EPS15: variants seen among roughly 807,000 people sequenced by gnomAD.
EPS15 encodes the protein epidermal growth factor receptor pathway substrate 15.
A neutral mutation model predicts 113.8 loss-of-function variants in EPS15; 72 were observed. That is an observed-to-expected ratio of 0.63 (90% CI 0.52 to 0.77). EPS15 has a LOEUF of 0.77. EPS15 is among the 30% of genes least tolerant of loss of function. The pLI, the probability that EPS15 is intolerant of heterozygous loss-of-function variation, is 0.00. For synonymous variants in EPS15, 344 were observed against 363.4 expected (o/e 0.95, Z 0.61); for missense variants, 1,048 against 1,045.8 (o/e 1.00, Z -0.03).
intron 1 of EPS15, among the ~76,000 whole-genome samples, chr1:51,496,667 C>T (rs148266340): frequency 1.4e-3 from 207 of 152,298 alleles, no homozygotes; most frequent in African/African-American, 4.8e-3. Context: ...TTAGGCCTCA[C>T]TTCTAACACT....
intron 1 of EPS15, among the ~76,000 whole-genome samples, chr1:51,508,242 G>GAAAAGAAAAGAA (rs58012399): frequency 1.2e-4 from 4 of 32,896 alleles, no homozygotes; most frequent in African/African-American, 2.3e-4. Flanking sequence ...AGAAAAGAAA[G>GAAAAGAAAAGAA]AGAGAAAGAG....
chr1:51,371,302 CAGA>C (rs1489069919), intron 21 of EPS15, among the ~76,000 whole-genome samples: 19 of 151,938 alleles, frequency 1.3e-4, no homozygotes, highest in African/African-American at 4.4e-4. Flanking sequence ...GGAGATATAC[CAGA>C]AGAAGGCATT....
intron 11 of EPS15, among the ~76,000 whole-genome samples, chr1:51,440,702 G>A (rs1431733384): frequency 6.6e-6 from 1 of 151,936 alleles, no homozygotes; most frequent in East Asian, 1.9e-4. Flanking sequence ...GAATGTCTTT[G>A]TCACTTGATC....
chr1:51,405,600 A>G (rs1649032857), intron 16 of EPS15, among the ~76,000 whole-genome samples: 1 of 152,082 alleles, frequency 6.6e-6, no homozygotes. Flanking sequence ...CAGGAGGCTG[A>G]GGCAGGAGAA....
In EPS15 at chr1:51,448,121, T is replaced by C. The variant is rs556428856; in HGVS notation, c.576A>G (p.Val192=). The change falls in exon 9 of 25, where the codon GTA becomes GTG. Residue 192 remains valine (V), a synonymous_variant. Coordinates refer to ENST00000371733, the MANE Select transcript of EPS15 (RefSeq NM_001981.3). ...RDEFAVAMFL[V]YCALEKEPVP... ...CAGGTTCTTTCTCCAGTGCACAGTA[T>C]ACCAAAAACATGGCCTTCAAAATAA... 5 of 1,611,744 alleles carry C rather than the reference T, an allele frequency of 3.1e-6. No individual in the cohort carries two copies. Among genetic ancestry groups the C allele is most frequent in the African/African-American group, 2.7e-5 (2 of 74,930 alleles).
At chr1:51,389,885 A>G (rs1647212657) in intron 21 of EPS15, among the ~76,000 whole-genome samples, 2 of 152,358 alleles carry the variant, frequency 1.3e-5, no homozygotes, top group African/African-American at 4.8e-5. Flanking sequence ...AAATGGCCAT[A>G]CTGCCCAAGG....
At chr1:51,515,307 C>CA (rs1487834731) in intron 1 of EPS15, among the ~76,000 whole-genome samples, 1 of 150,922 alleles carries the variant, frequency 6.6e-6, no homozygotes, top group African/African-American at 2.4e-5. Context: ...CCTGTCTCTA[C>CA]AAAAAAATTT....
intron 12 of EPS15, among the ~76,000 whole-genome samples, chr1:51,429,202 T>C (rs750197008): frequency 3.9e-5 from 6 of 152,112 alleles, no homozygotes; most frequent in Non-Finnish European, 5.9e-5. Context: ...CTGAAGTAAG[T>C]TGATATCAAT....
intron 8 of EPS15, 52 bp from the exon 9 acceptor site, chr1:51,448,187 C>A: frequency 9.7e-7 from 1 of 1,028,070 alleles, no homozygotes. Flanking sequence ...TTAACATCCA[C>A]CCACTGAATT....
rs1216363748 is a variant in EPS15, at chr1:51,386,943, C to T, written c.2119+7438G>A. 3.9e-5 allele frequency among the ~76,000 whole-genome samples: 6 copies of T among 152,136 alleles called. No individual in the cohort carries two copies. The East Asian group carries it at 1.2e-3, about 29-fold the overall frequency. ...TCCCCAATCTAGCAAGGCAGGCCAA[C>T]ATTCAGATTCAGGAAATACAGAGAA... On this transcript the variant is annotated intron_variant, in intron 21 of 24. Transcript: ENST00000371733.
At chr1:51,421,941 C>G (rs765403749) in intron 12 of EPS15, 83 bp from the exon 13 acceptor site, 1 of 1,576,174 alleles carries the variant, frequency 6.3e-7, no homozygotes, top group Non-Finnish European at 8.6e-7. Flanking sequence ...AATCCTGAAT[C>G]GCTTTTTAAA....
chr1:51,385,170 T>C (rs976325679), intron 21 of EPS15, among the ~76,000 whole-genome samples: 1 of 152,124 alleles, frequency 6.6e-6, no homozygotes, highest in African/African-American at 2.4e-5. Flanking sequence ...GGAGAAAATA[T>C]TTGCAAATCA....
intron 1 of EPS15, among the ~76,000 whole-genome samples, chr1:51,504,891 C>A (rs567615188): frequency 6.6e-6 from 1 of 152,096 alleles, no homozygotes; most frequent in Non-Finnish European, 1.5e-5. Context: ...GCGGCCGAAG[C>A]GGGTGGATCA....
intron 1 of EPS15, among the ~76,000 whole-genome samples, chr1:51,503,023 G>C (rs910540173): frequency 1.4e-5 from 2 of 141,164 alleles, no homozygotes; most frequent in South Asian, 4.3e-4. Flanking sequence ...AAAAAAAAAA[G>C]AATTCCATTC....
chr1:51,473,731 A>G (rs988641061), intron 2 of EPS15, among the ~76,000 whole-genome samples: 7 of 152,220 alleles, frequency 4.6e-5, no homozygotes, highest in East Asian at 3.8e-4. Context: ...TATTTGTGAG[A>G]TATCTGTTTT....
chr1:51,463,805 TA>T lies in EPS15; in HGVS notation c.376-8del. 1 of 1,552,974 alleles carries T rather than the reference TA, an allele frequency of 6.4e-7. No homozygotes were observed. The highest frequency in any genetic ancestry group is 8.7e-7 in the Non-Finnish European group (1 of 1,144,086). On this transcript the variant is annotated splice_region_variant and splice_polypyrimidine_tract_variant and intron_variant, in intron 6 of 24. Transcript: ENST00000371733. Reference sequence around the variant, plus strand: ...ATTTGGCCTTATCTTCAGGCTACAATAAAAAACAAAATCACAAGTTAAATAA... The same window carrying T: ...ATTTGGCCTTATCTTCAGGCTACAATAAAAACAAAATCACAAGTTAAATAA...
intron 21 of EPS15, among the ~76,000 whole-genome samples, chr1:51,374,379 G>A (rs1646733360): frequency 6.6e-6 from 1 of 152,168 alleles, no homozygotes; most frequent in Non-Finnish European, 1.5e-5. Context: ...CACTTTGGGA[G>A]GCTAAGGCGG....
chr1:51,452,581 C>A (rs1471431669), intron 8 of EPS15, among the ~76,000 whole-genome samples: 1 of 152,146 alleles, frequency 6.6e-6, no homozygotes, highest in Non-Finnish European at 1.5e-5. Flanking sequence ...CAACATTCAT[C>A]ACTGATTTCC....
chr1:51,471,656 CAA>C, intron 4 of EPS15, 32 bp downstream of exon 4: 4 of 1,406,968 alleles, frequency 2.8e-6, no homozygotes, highest in Admixed American at 1.9e-5. Context: ...TTGAATCACT[CAA>C]AAAAAAAATC....
Sources: gnomAD v4.1 joint callset for allele counts (sites outside exome capture counted in the v4.1 genomes callset) on GRCh38, gnomAD v4.1.1 for gene constraint, MANE v1.5 for transcripts, NCBI Gene and HGNC (gene_info 2026-07-23, HGNC 2026-07-21) for gene names.